The following ADGRG7 variants were observed in gnomAD, a reference collection of about 807,000 sequenced individuals.
The protein encoded by ADGRG7 is adhesion G protein-coupled receptor G7.
In ADGRG7, 82 loss-of-function variants were observed where a neutral mutation model predicts 88.6. The ratio of observed to expected loss-of-function variants is 0.93; its 90% CI spans 0.77 to 1.11. The LOEUF (loss-of-function observed/expected upper bound fraction) is 1.11, where lower values mean the gene tolerates loss of function less well. Ranked by LOEUF, ADGRG7 falls within the 50% of genes most tolerant of loss-of-function variation. The pLI is 0.00. For synonymous variants in ADGRG7, 381 were observed against 345.2 expected, an observed-to-expected ratio of 1.10 and a Z score of -1.15; for missense variants, 945 against 953.4, an observed-to-expected ratio of 0.99 and a Z score of 0.12.
chr3:100,627,512 G>T (rs1707395976), intron 1 of ADGRG7, among the ~76,000 whole-genome samples: 1 of 152,004 alleles, frequency 6.6e-6, no homozygotes, highest in South Asian at 2.1e-4. Context: ...GTGATTTATT[G>T]GCCTGTAACT....
intron 15 of ADGRG7, among the ~76,000 whole-genome samples, chr3:100,681,591 G>C (rs1179208298): frequency 6.6e-6 from 1 of 152,112 alleles, no homozygotes; most frequent in East Asian, 1.9e-4. Flanking sequence ...GATTACAGTT[G>C]TGAGCCACCA....
intron 1 of ADGRG7, among the ~76,000 whole-genome samples, chr3:100,619,827 C>T (rs553989667): frequency 2.0e-5 from 3 of 152,200 alleles, no homozygotes; most frequent in East Asian, 3.9e-4. Context: ...ATAAATTCCT[C>T]GACACGTACA....
At chr3:100,631,762 T>G (rs1365990394) in intron 3 of ADGRG7, among the ~76,000 whole-genome samples, 1 of 152,206 alleles carries the variant, frequency 6.6e-6, no homozygotes, top group Non-Finnish European at 1.5e-5. Context: ...TGAATTGCTC[T>G]TTTTAAATTA....
chr3:100,635,401 C>T (rs1383057626), intron 4 of ADGRG7: 5 of 348,098 alleles, frequency 1.4e-5, no homozygotes, highest in African/African-American at 2.1e-5. Context: ...AGTGAACCAG[C>T]GCTGGCCCAT....
intron 15 of ADGRG7, among the ~76,000 whole-genome samples, chr3:100,685,021 A>G (rs527401627): frequency 6.6e-6 from 1 of 152,210 alleles, no homozygotes; most frequent in South Asian, 2.1e-4. Flanking sequence ...AATTATATTA[A>G]CTGTATTTTC....
chr3:100,637,881 TA>T (rs1707572136), intron 6 of ADGRG7, among the ~76,000 whole-genome samples: 2 of 152,232 alleles, frequency 1.3e-5, no homozygotes, highest in Admixed American at 6.5e-5. Context: ...GGACTTGTGA[TA>T]GGGGTGCCCC....
At chr3:100,645,048 A>G (rs1707718598) in intron 8 of ADGRG7, among the ~76,000 whole-genome samples, 1 of 152,188 alleles carries the variant, frequency 6.6e-6, no homozygotes, top group Non-Finnish European at 1.5e-5. Flanking sequence ...TCCCTCTCAA[A>G]TCAGATGACT....
Position 100,649,773 on chromosome 3 carries a change from C to G in ADGRG7, c.1345C>G (p.Leu449Val), listed in dbSNP as rs748185632. Residue 449 changes from leucine (L) to valine (V), a missense_variant, in exon 11 of 16, where the codon CTG (leucine) becomes GTG (valine). By Grantham distance (32) the Leu-to-Val change is conservative (BLOSUM62 1). Transcript: ENST00000273352. ...TGGATGTGCACTGTCTGTTACTGGT[C>G]TGGCTCTCACAGTTATATTTCAGAT... ...NVGCALSVTG[L>V]ALTVIFQIVT... 6.2e-7 allele frequency: 1 copy of G among 1,608,228 alleles called. No homozygotes were observed. Among genetic ancestry groups the G allele is most frequent in the African/African-American group, 1.3e-5 (1 of 74,828 alleles).
intron 1 of ADGRG7, among the ~76,000 whole-genome samples, chr3:100,620,969 A>G (rs1707303721): frequency 6.6e-6 from 1 of 151,912 alleles, no homozygotes; most frequent in South Asian, 2.1e-4. Context: ...AATATGTCAA[A>G]CTTTTTCATT....
In ADGRG7 at chr3:100,646,643, A is replaced by G; in HGVS notation, c.1185A>G (p.Thr395=). 6.2e-7 allele frequency: 1 copy of G among 1,614,160 alleles called. No homozygotes were observed. Among genetic ancestry groups the G allele is most frequent in the Non-Finnish European group, 8.5e-7 (1 of 1,179,952 alleles). The change falls in exon 10 of 16, where the codon ACA becomes ACG. Residue 395 remains threonine (T), a synonymous_variant. Transcript: ENST00000273352. ...YWNLSAKDWD[T]YGCQKDKGTD... is the part of the protein sequence containing the mutation. ...ATTTGTCAGCGAAGGACTGGGACACATATGGCTGTCAAAAAGACAAGGGCA... is the reference window on the plus strand; with the variant it reads ...ATTTGTCAGCGAAGGACTGGGACACGTATGGCTGTCAAAAAGACAAGGGCA...
At chr3:100,664,104 T>C (rs1326635452) in intron 14 of ADGRG7, among the ~76,000 whole-genome samples, 1 of 152,084 alleles carries the variant, frequency 6.6e-6, no homozygotes. Flanking sequence ...AAATATGAAG[T>C]TGATTTTATT....
chr3:100,667,627 C>T (rs1463171325), intron 14 of ADGRG7, among the ~76,000 whole-genome samples: 9 of 152,160 alleles, frequency 5.9e-5, no homozygotes, highest in Non-Finnish European at 1.0e-4. Context: ...AATAGTGCTG[C>T]AATAAACATA....
At chr3:100,610,137 G>A (rs185398670) in intron 1 of ADGRG7, among the ~76,000 whole-genome samples, 166 bp downstream of exon 1, 3 of 152,338 alleles carry the variant, frequency 2.0e-5, no homozygotes, top group East Asian at 3.9e-4. Flanking sequence ...CCTAGCAGAT[G>A]GTTGAATAGA....
At chr3:100,647,951 T>C (rs977787019) in intron 10 of ADGRG7, among the ~76,000 whole-genome samples, 1 of 152,192 alleles carries the variant, frequency 6.6e-6, no homozygotes, top group Non-Finnish European at 1.5e-5. Flanking sequence ...TTAAAACTTT[T>C]TGAGATAACT....
intron 11 of ADGRG7, among the ~76,000 whole-genome samples, chr3:100,652,353 T>C (rs1446650789): frequency 1.3e-5 from 2 of 152,118 alleles, no homozygotes; most frequent in Non-Finnish European, 2.9e-5. Flanking sequence ...AATGGGCAAA[T>C]AGACTTCATC....
At chr3:100,617,572 G>T (rs1419746554) in intron 1 of ADGRG7, among the ~76,000 whole-genome samples, 1 of 152,134 alleles carries the variant, frequency 6.6e-6, no homozygotes, top group African/African-American at 2.4e-5. Context: ...TGGCTGCATA[G>T]TATTCCATGG....
intron 15 of ADGRG7, among the ~76,000 whole-genome samples, chr3:100,679,512 T>C (rs988069272): frequency 6.6e-6 from 1 of 152,240 alleles, no homozygotes; most frequent in Non-Finnish European, 1.5e-5. Flanking sequence ...TAAATTTGTG[T>C]TCCCATGGGG....
chr3:100,617,031 C>T (rs1473261911), intron 1 of ADGRG7, among the ~76,000 whole-genome samples: 3 of 151,982 alleles, frequency 2.0e-5, no homozygotes, highest in Admixed American at 6.6e-5. Context: ...ATGGGAGAAG[C>T]AACTCTTAAA....
Position 100,695,401 on chromosome 3 carries a change from G to C in ADGRG7, c.*400G>C, listed in dbSNP as rs893764379. 6.3e-6 allele frequency: 1 copy of C among 158,374 alleles called. No homozygotes were observed. 9.8% of individuals were successfully genotyped at this position (158,374 alleles called of 1,614,324 possible). A position where few individuals can be genotyped will look rare whatever the true frequency, so the allele number is the denominator to read the frequency against. On this transcript the variant is annotated 3_prime_UTR_variant, in exon 16 of 16. Transcript: ENST00000273352. ...ACAGTGTGTGGGGATTTGCTTGTAT[G>C]TATTAAACTTTTGACCTCTGAATAT...
Sources: allele counts gnomAD v4.1 joint callset (sites outside exome capture counted in the v4.1 genomes callset), GRCh38; gene constraint gnomAD v4.1.1; transcripts MANE v1.5; gene names NCBI Gene and HGNC (gene_info 2026-07-23, HGNC 2026-07-21).